NDST3: variants seen among roughly 807,000 people sequenced by gnomAD.
NDST3 encodes the protein bifunctional heparan sulfate N-deacetylase/N-sulfotransferase 3.
In NDST3, 58 loss-of-function variants were observed where a neutral mutation model predicts 96.1. The observed-to-expected ratio is 0.60, with a 90% CI of 0.49 to 0.75. The LOEUF (loss-of-function observed/expected upper bound fraction) is 0.75, where lower values mean the gene tolerates loss of function less well. Ranked by LOEUF, NDST3 falls within the 30% of genes least tolerant of loss-of-function variation. The pLI is 0.00. For missense variants in NDST3, 788 were observed against 1,034.2 expected, an observed-to-expected ratio of 0.76 and a Z score of 3.27; for synonymous variants, 333 against 359.7, an observed-to-expected ratio of 0.93 and a Z score of 0.84.
chr4:118,194,447 C>T (rs1737530440), intron 6 of NDST3: 2 of 733,140 alleles, frequency 2.7e-6, no homozygotes, highest in Non-Finnish European at 5.1e-6. Flanking sequence ...GGTGATATGG[C>T]ACACCTCCCC....
chr4:118,077,420 G>C (rs2125811828), intron 2 of NDST3, among the ~76,000 whole-genome samples: 1 of 152,360 alleles, frequency 6.6e-6, no homozygotes, highest in South Asian at 2.1e-4. Flanking sequence ...GCGCTTAAGA[G>C]TGTTAGCAGA....
intron 6 of NDST3, among the ~76,000 whole-genome samples, chr4:118,191,150 T>C: frequency 6.6e-6 from 1 of 152,156 alleles, no homozygotes; most frequent in East Asian, 1.9e-4. Context: ...AATTTCTATT[T>C]CAAAAGCACA....
intron 2 of NDST3, among the ~76,000 whole-genome samples, chr4:118,103,220 A>G (rs1342920980): frequency 1.3e-5 from 2 of 152,172 alleles, no homozygotes; most frequent in Non-Finnish European, 2.9e-5. Context: ...GACTTAAAGC[A>G]CTGAACACAA....
At chr4:118,200,924 T>C (rs1357204402) in intron 6 of NDST3, among the ~76,000 whole-genome samples, 1 of 152,086 alleles carries the variant, frequency 6.6e-6, no homozygotes, top group Non-Finnish European at 1.5e-5. Context: ...CAATAGGTAG[T>C]TTTTCAACCC....
At chr4:118,179,811 T>G (rs57603334) in intron 6 of NDST3, among the ~76,000 whole-genome samples, 1 of 152,098 alleles carries the variant, frequency 6.6e-6, no homozygotes, top group Non-Finnish European at 1.5e-5. Context: ...CCAGTCACTT[T>G]AGTTGTGAAT....
intron 8 of NDST3, among the ~76,000 whole-genome samples, chr4:118,231,670 G>A (rs938315118): frequency 2.6e-5 from 4 of 152,028 alleles, no homozygotes; most frequent in African/African-American, 9.7e-5. Context: ...ATCAAGTCCT[G>A]CTCCACAGAT....
intron 4 of NDST3, among the ~76,000 whole-genome samples, chr4:118,126,514 GTATATATATATATATATATACACA>G (rs747809971): frequency 0.056 from 2,720 of 48,916 alleles, 41 homozygotes; most frequent in Middle Eastern, 0.21. Context: ...GTATGTATGT[GTATATATATATATATATATACACA>G]TATATATATA....
At chr4:118,225,911 A>G (rs993871426) in intron 7 of NDST3, among the ~76,000 whole-genome samples, 5 of 152,194 alleles carry the variant, frequency 3.3e-5, no homozygotes, top group African/African-American at 1.2e-4. Context: ...GCCAATGGAA[A>G]GACATGCAAT....
At chr4:118,249,567 A>G (rs1288454711) in intron 12 of NDST3, among the ~76,000 whole-genome samples, 1 of 152,186 alleles carries the variant, frequency 6.6e-6, no homozygotes, top group Non-Finnish European at 1.5e-5. Context: ...ATCTGACACA[A>G]TTGCTTTAAT....
intron 8 of NDST3, among the ~76,000 whole-genome samples, chr4:118,229,330 T>C (rs1740120389): frequency 6.6e-6 from 1 of 152,166 alleles, no homozygotes; most frequent in African/African-American, 2.4e-5. Flanking sequence ...CTGGATAATT[T>C]TGCAGATTTC....
intron 6 of NDST3, among the ~76,000 whole-genome samples, chr4:118,174,313 T>G (rs535434849): frequency 7.3e-5 from 11 of 151,706 alleles, no homozygotes; most frequent in Admixed American, 5.9e-4. Context: ...AAAAGAAAAA[T>G]AAAAAAGGAG....
chr4:118,055,150 G>A (rs1410644142), intron 2 of NDST3: 11 of 481,554 alleles, frequency 2.3e-5, no homozygotes, highest in Non-Finnish European at 3.7e-5. Flanking sequence ...TACAACTAGA[G>A]TAGAAGTCAT....
chr4:118,148,297 C>CA (rs1396864563), intron 6 of NDST3, among the ~76,000 whole-genome samples: 1 of 151,694 alleles, frequency 6.6e-6, no homozygotes, highest in Non-Finnish European at 1.5e-5. Flanking sequence ...GACTCTGTCT[C>CA]AAAAAAAATG....
At chr4:118,039,759 G>C (rs1323782465) in intron 1 of NDST3, among the ~76,000 whole-genome samples, 1 of 152,124 alleles carries the variant, frequency 6.6e-6, no homozygotes, top group Non-Finnish European at 1.5e-5. Flanking sequence ...AAAGGTAGCA[G>C]CATGTGGAAA....
intron 6 of NDST3, among the ~76,000 whole-genome samples, chr4:118,220,096 G>A (rs1406829313): frequency 2.0e-5 from 3 of 151,080 alleles, no homozygotes; most frequent in Non-Finnish European, 4.4e-5. Flanking sequence ...AATACCAATG[G>A]GATTGCTGGG....
rs1210995973 is a variant in NDST3, at chr4:118,256,186, A to G, written c.*474A>G. 1 of 152,254 alleles carries G rather than the reference A, an allele frequency of 6.6e-6. No individual in the cohort carries two copies. The highest frequency in any genetic ancestry group is 1.5e-5 in the Non-Finnish European group (1 of 68,066). The allele number at this position is 152,254 out of a possible 1,614,324, so 9.4% of individuals were successfully genotyped here. ...ATGTAGCATAAAATGTCAAAAGCAT[A>G]ACACCCATGAAAAATGCTTGCCAAA... is the stretch of plus-strand genomic sequence containing the variant. On this transcript the variant is annotated 3_prime_UTR_variant, in exon 14 of 14. Coordinates refer to ENST00000296499, the MANE Select transcript of NDST3 (RefSeq NM_004784.3).
intron 6 of NDST3, among the ~76,000 whole-genome samples, chr4:118,183,196 C>T (rs1208880420): frequency 6.6e-6 from 1 of 152,140 alleles, no homozygotes; most frequent in African/African-American, 2.4e-5. Flanking sequence ...CAATGTTTAC[C>T]ATTTCTTTGC....
intron 12 of NDST3, among the ~76,000 whole-genome samples, chr4:118,243,028 T>C (rs1741101560): frequency 1.3e-5 from 2 of 152,074 alleles, no homozygotes; most frequent in African/African-American, 2.4e-5. Context: ...ACCACATGTG[T>C]AGAGCAACTG....
intron 2 of NDST3, among the ~76,000 whole-genome samples, chr4:118,092,816 C>CA (rs955756667): frequency 1.6e-4 from 24 of 151,762 alleles, no homozygotes; most frequent in African/African-American, 5.8e-4. Context: ...AAGTATATAG[C>CA]ATAACGTATC....
Sources: allele counts gnomAD v4.1 joint callset (sites outside exome capture counted in the v4.1 genomes callset), GRCh38; gene constraint gnomAD v4.1.1; transcripts MANE v1.5; gene names NCBI Gene and HGNC (gene_info 2026-07-23, HGNC 2026-07-21).